Variants in KCNC2 observed in about 807,000 individuals in gnomAD.
KCNC2 encodes potassium voltage-gated channel subfamily C member 2.
Under a neutral mutation model 44.5 loss-of-function variants are expected in KCNC2, and 21 were observed. The ratio of observed to expected loss-of-function variants is 0.47; its 90% CI spans 0.33 to 0.68. The LOEUF (loss-of-function observed/expected upper bound fraction) is 0.68. KCNC2 is among the 30% of genes least tolerant of loss of function. The pLI, the probability that KCNC2 is intolerant of heterozygous loss-of-function variation, is 0.01. For missense variants in KCNC2, 589 were observed against 826.2 expected (o/e 0.71, Z 3.52); for synonymous variants, 391 against 339.1 (o/e 1.15, Z -1.68).
chr12:75,196,190 G>A (rs772823452), intron 2 of KCNC2, among the ~76,000 whole-genome samples: 17 of 152,094 alleles, frequency 1.1e-4, no homozygotes, highest in Non-Finnish European at 1.6e-4. Flanking sequence ...TAGACTACAA[G>A]TGTGTTAAAG....
intron 2 of KCNC2, among the ~76,000 whole-genome samples, chr12:75,179,370 G>A (rs1446577132): frequency 1.3e-5 from 2 of 151,818 alleles, no homozygotes; most frequent in African/African-American, 4.8e-5. Flanking sequence ...TATATAAGGA[G>A]TGAGTTTGAT....
At chr12:75,047,255 C>T (rs550443692) in intron 4 of KCNC2, among the ~76,000 whole-genome samples, 7 of 151,788 alleles carry the variant, frequency 4.6e-5, no homozygotes, top group Middle Eastern at 3.4e-3. Context: ...ATAATAGTCA[C>T]GAGACTATTT....
intron 2 of KCNC2, among the ~76,000 whole-genome samples, chr12:75,089,216 T>C (rs1002004478): frequency 6.6e-6 from 1 of 151,884 alleles, no homozygotes; most frequent in African/African-American, 2.4e-5. Context: ...TCTCTGTTAA[T>C]ATTCTATGAA....
At chr12:75,149,502 T>C (rs1480757901) in intron 2 of KCNC2, among the ~76,000 whole-genome samples, 2 of 151,766 alleles carry the variant, frequency 1.3e-5, no homozygotes, top group African/African-American at 4.8e-5. Flanking sequence ...CTGTAGAAAA[T>C]GGTTTTCTTG....
intron 2 of KCNC2, among the ~76,000 whole-genome samples, chr12:75,129,970 C>A (rs1888712817): frequency 6.6e-6 from 1 of 152,136 alleles, no homozygotes; most frequent in African/African-American, 2.4e-5. Flanking sequence ...TACCTGAATT[C>A]TGTATAGTAC....
intron 2 of KCNC2, among the ~76,000 whole-genome samples, chr12:75,189,584 A>G (rs1314027453): frequency 1.3e-5 from 2 of 152,184 alleles, no homozygotes; most frequent in Non-Finnish European, 2.9e-5. Context: ...TCAGTAATTA[A>G]TTAAACTTGT....
intron 2 of KCNC2, among the ~76,000 whole-genome samples, chr12:75,081,380 T>C (rs537190051): frequency 6.6e-6 from 1 of 151,686 alleles, no homozygotes; most frequent in South Asian, 2.1e-4. Flanking sequence ...TTCTTTTTTT[T>C]TTCTGAACTG....
intron 2 of KCNC2, among the ~76,000 whole-genome samples, chr12:75,189,704 C>G (rs753408424): frequency 2.0e-5 from 3 of 152,162 alleles, no homozygotes; most frequent in Non-Finnish European, 2.9e-5. Flanking sequence ...CTTTCATTCC[C>G]TACACCGCAT....
rs980423627 is a variant in KCNC2, at chr12:75,207,256, A to G, written c.687+41T>C. ...ACAGAAAGTTGGGGAGGGAGTTGGG[A>G]GAAGTTGAAGCAGCAGGGAAGGGGT... is the stretch of plus-strand genomic sequence containing the variant. On this transcript the variant is annotated intron_variant, in intron 2 of 4. Transcript: ENST00000549446. This position sits in a 1 kb window ranked among gnomAD's most constrained non-coding sequence, Gnocchi z 4.1. The G allele has an allele frequency of 2.0e-6, 3 of 1,508,408 alleles. No individual in the cohort carries two copies. The highest frequency in any genetic ancestry group is 2.6e-6 in the Non-Finnish European group (3 of 1,132,288). 93.4% of individuals were successfully genotyped at this position (1,508,408 alleles called of 1,614,324 possible). A position where few individuals can be genotyped will look rare whatever the true frequency, so the allele number is the denominator to read the frequency against.
chr12:75,204,122 C>G (rs1428299340), intron 2 of KCNC2, among the ~76,000 whole-genome samples: 1 of 151,872 alleles, frequency 6.6e-6, no homozygotes, highest in Admixed American at 6.6e-5. Context: ...TTCTCCACAA[C>G]AGGTTTCCAT....
At chr12:75,077,201 G>C (rs532499092) in intron 2 of KCNC2, among the ~76,000 whole-genome samples, 1 of 152,216 alleles carries the variant, frequency 6.6e-6, no homozygotes, top group South Asian at 2.1e-4. Context: ...TACACCACGA[G>C]GACTAGCATT....
intron 2 of KCNC2, among the ~76,000 whole-genome samples, chr12:75,155,794 T>C (rs1009876643): frequency 6.6e-6 from 1 of 151,534 alleles, no homozygotes; most frequent in Admixed American, 6.6e-5. Flanking sequence ...GTTAAGGAAG[T>C]GCAAAATACT....
chr12:75,066,638 A>G (rs896781720), intron 2 of KCNC2, among the ~76,000 whole-genome samples: 1 of 152,200 alleles, frequency 6.6e-6, no homozygotes, highest in Non-Finnish European at 1.5e-5. Context: ...TCAGCTTTTA[A>G]TAAACAAAAT....
Position 75,051,134 on chromosome 12 carries a change from C to G in KCNC2, c.871G>C (p.Val291Leu). The change falls in exon 3 of 5, where the codon GTG becomes CTG. Residue 291 changes from valine to leucine, a missense_variant. By Grantham distance (32) the Val-to-Leu change is conservative. This residue lies in a region of KCNC2 where 40 missense variants were observed against 40.6 expected (regional missense o/e 0.99). Transcript: ENST00000549446. ...ALTYVEGVCV[V>L]WFTFEFLVRI... The stretch of plus-strand genomic sequence containing the variant: ...ACTAAAAATTCAAAAGTAAACCACA[C>G]CACACACACTCCTTCTACATACGTC... The G allele has an allele frequency of 6.2e-7, 1 of 1,613,836 alleles. No homozygotes were observed.
chr12:75,169,959 G>A (rs1202236963), intron 2 of KCNC2, among the ~76,000 whole-genome samples: 2 of 151,632 alleles, frequency 1.3e-5, no homozygotes, highest in Admixed American at 1.3e-4. Flanking sequence ...CAAAAGAAAG[G>A]CGACATAACA....
chr12:75,052,102 A>T (rs1479719110), intron 2 of KCNC2, among the ~76,000 whole-genome samples: 1 of 152,110 alleles, frequency 6.6e-6, no homozygotes, highest in Non-Finnish European at 1.5e-5. Flanking sequence ...ACCTACCACC[A>T]ACACAGAATA....
At chr12:75,066,529 T>A (rs2137012424) in intron 2 of KCNC2, among the ~76,000 whole-genome samples, 1 of 152,314 alleles carries the variant, frequency 6.6e-6, no homozygotes, top group East Asian at 1.9e-4. Flanking sequence ...CTTCTGTTAA[T>A]TTTACTGAGA....
intron 2 of KCNC2, among the ~76,000 whole-genome samples, chr12:75,099,676 G>T (rs1053392190): frequency 3.3e-5 from 5 of 152,100 alleles, no homozygotes; most frequent in African/African-American, 1.2e-4. Flanking sequence ...CTCAGCTTTT[G>T]CTCAAATACA....
intron 2 of KCNC2, among the ~76,000 whole-genome samples, chr12:75,135,480 G>A (rs1889161521): frequency 6.6e-6 from 1 of 151,954 alleles, no homozygotes; most frequent in African/African-American, 2.4e-5. Context: ...GAGATAGATA[G>A]ATAAATAAAT....
Sources: allele counts gnomAD v4.1 joint callset (sites outside exome capture counted in the v4.1 genomes callset), GRCh38; gene constraint gnomAD v4.1.1; regional missense constraint gnomAD v4.1.1; non-coding constraint Gnocchi (gnomAD v3.1); transcripts MANE v1.5; gene names NCBI Gene and HGNC (gene_info 2026-07-23, HGNC 2026-07-21).